Variants in HGSNAT observed in about 807,000 individuals in gnomAD.
The protein encoded by HGSNAT is heparan-alpha-glucosaminide N-acetyltransferase.
A neutral mutation model predicts 85.2 loss-of-function variants in HGSNAT; 59 were observed. The observed-to-expected ratio is 0.69, with a 90% CI of 0.56 to 0.86. The LOEUF is 0.86. Among genes scored for constraint, HGSNAT ranks in the 40% least tolerant of loss-of-function variants. The pLI is 0.00. For missense variants in HGSNAT, 756 were observed against 777.1 expected, an observed-to-expected ratio of 0.97 and a Z score of 0.32; for synonymous variants, 321 against 304.5, an observed-to-expected ratio of 1.05 and a Z score of -0.56.
intron 10 of HGSNAT, 187 bp from the exon 11 acceptor site, chr8:43,181,958 G>T: frequency 1.6e-6 from 1 of 606,474 alleles, no homozygotes; most frequent in East Asian, 2.7e-5. Context: ...AGAGGGATTG[G>T]CCTGTTTTTG....
chr8:43,199,303 T>C (rs959674318), intron 17 of HGSNAT, 85 bp from the exon 18 acceptor site: 41 of 992,402 alleles, frequency 4.1e-5, no homozygotes, highest in Non-Finnish European at 5.9e-5. Flanking sequence ...TGTTTTTTCA[T>C]TGAACTGGTT....
Position 43,193,759 on chromosome 8 carries a change from A to T in HGSNAT, c.1380A>T (p.Val460=), listed in dbSNP as rs751897985. 6.2e-7 allele frequency: 1 copy of T among 1,610,880 alleles called. No individual in the cohort carries two copies. The change falls in exon 14 of 18, where the codon GTA becomes GTT. Residue 460 remains valine, a splice_region_variant and synonymous_variant. Transcript: ENST00000379644. ...DHLYQHPSSA[V]LYHTEVAYDP... is the part of the protein sequence containing the mutation. ...GCCTTCTGCTTCTGTTTGTTAAGGT[A>T]CTTTACCACACCGAGGTGGCCTATG...
chr8:43,141,338 T>TGCCCCGG (rs1465934774), intron 1 of HGSNAT, among the ~76,000 whole-genome samples: 6 of 152,104 alleles, frequency 3.9e-5, no homozygotes, highest in Admixed American at 3.9e-4. Flanking sequence ...TGGGCGCTTT[T>TGCCCCGG]GCCCCGGGCC....
rs483352908 is a variant in HGSNAT, at chr8:43,147,064, G to A, written c.234+1G>A. The A allele has an allele frequency of 2.5e-5, 39 of 1,546,484 alleles. No individual in the cohort carries two copies. Among genetic ancestry groups the A allele is most frequent in the Admixed American group, 1.6e-4 (9 of 56,026 alleles). On this transcript the variant is annotated splice_donor_variant, in intron 2 of 17. Transcript: ENST00000379644. LOFTEE classifies it high-confidence loss of function. ...CTGGAAATCTGAATGCTGTTATCAC[G>A]TATGTATCAGTTCACACTCAGTTCT...
intron 14 of HGSNAT, chr8:43,194,503 T>C: frequency 1.0e-6 from 1 of 985,232 alleles, no homozygotes; most frequent in Non-Finnish European, 1.2e-6. Context: ...TGTACACTCA[T>C]ATTAGTCTGT....
intron 2 of HGSNAT, among the ~76,000 whole-genome samples, chr8:43,154,893 G>A (rs1803043661): frequency 6.6e-6 from 1 of 152,170 alleles, no homozygotes. Flanking sequence ...TCTAACTGGT[G>A]TAAGATGGTA....
intron 9 of HGSNAT, 90 bp downstream of exon 9, chr8:43,173,833 G>T (rs1229127416): frequency 2.2e-6 from 3 of 1,381,998 alleles, no homozygotes; most frequent in Non-Finnish European, 3.0e-6. Context: ...TCTGAGACGG[G>T]CATGTGTTAT....
At chr8:43,195,522 G>C (rs953178838) in intron 14 of HGSNAT, among the ~76,000 whole-genome samples, 1 of 138,474 alleles carries the variant, frequency 7.2e-6, no homozygotes, top group Admixed American at 7.0e-5. Flanking sequence ...GGAGGAAGAA[G>C]AGGAGGAAGA....
At chr8:43,169,341 T>C in intron 6 of HGSNAT, 99 bp downstream of exon 6, 3 of 765,730 alleles carry the variant, frequency 3.9e-6, no homozygotes, top group Non-Finnish European at 6.2e-6. Context: ...TATGTTTATA[T>C]TGAGGAAGGC....
intron 13 of HGSNAT, among the ~76,000 whole-genome samples, chr8:43,193,138 A>G (rs1044612651): frequency 6.6e-6 from 1 of 152,178 alleles, no homozygotes. Context: ...CTCTTTAGTC[A>G]AGGGCAGATC....
chr8:43,183,745 C>T (rs1024288142), intron 11 of HGSNAT, among the ~76,000 whole-genome samples: 1 of 152,162 alleles, frequency 6.6e-6, no homozygotes, highest in African/African-American at 2.4e-5. Context: ...GTTAACTCGT[C>T]ATTTACATTA....
intron 11 of HGSNAT, among the ~76,000 whole-genome samples, chr8:43,185,988 C>T (rs1362849360): frequency 3.3e-5 from 5 of 152,136 alleles, no homozygotes; most frequent in African/African-American, 7.2e-5. Context: ...GGAATGAAGC[C>T]GACTTGATCA....
In HGSNAT at chr8:43,178,174, A is replaced by G; in HGVS notation, c.952A>G (p.Ser318Gly). Residue 318 changes from serine (S) to glycine (G), a missense_variant, in exon 10 of 18, where the codon AGT (serine) becomes GGT (glycine). Ser to Gly is a moderately conservative substitution (Grantham distance 56, BLOSUM62 0). Transcript: ENST00000379644. ...FRLLGKIAWR[S>G]FLLICIGIII... ...ATTGCTGGGGAAGATTGCATGGAGG[A>G]GTTTCCTGTTAATCTGCATAGGAAT... is the stretch of plus-strand genomic sequence containing the variant. 6.3e-7 allele frequency: 1 copy of G among 1,598,848 alleles called. No homozygotes were observed. Among genetic ancestry groups the G allele is most frequent in the Non-Finnish European group, 8.5e-7 (1 of 1,174,456 alleles).
intron 17 of HGSNAT, among the ~76,000 whole-genome samples, chr8:43,198,726 A>G (rs1006861794): frequency 1.3e-5 from 2 of 152,226 alleles, no homozygotes; most frequent in African/African-American, 4.8e-5. Flanking sequence ...CCGAGGACTT[A>G]GAAACACATC....
intron 11 of HGSNAT, among the ~76,000 whole-genome samples, chr8:43,184,256 T>G (rs1421895506): frequency 2.0e-5 from 3 of 152,186 alleles, no homozygotes; most frequent in African/African-American, 7.2e-5. Flanking sequence ...CCACCAACAG[T>G]GTAAAAGTGT....
chr8:43,190,816 T>C (rs73675464), intron 11 of HGSNAT, among the ~76,000 whole-genome samples: 3,543 of 152,296 alleles, frequency 0.023, 131 homozygotes, highest in African/African-American at 0.079. Flanking sequence ...TGATATTTGC[T>C]CTATTCAGAG....
At chr8:43,140,672 G>A (rs1486624422) in intron 1 of HGSNAT, 58 bp downstream of exon 1, 2 of 882,774 alleles carry the variant, frequency 2.3e-6, no homozygotes, top group Non-Finnish European at 2.9e-6. Context: ...TCTCCTCTCC[G>A]CGGCGCCGCC....
chr8:43,147,768 T>G (rs1043011013), intron 2 of HGSNAT, among the ~76,000 whole-genome samples: 3 of 152,098 alleles, frequency 2.0e-5, no homozygotes, highest in Non-Finnish European at 4.4e-5. Context: ...ACCCAAGCAG[T>G]ACTGAAAAAC....
In HGSNAT at chr8:43,198,505, T is replaced by G. The variant is rs541904829; in HGVS notation, c.1726+553T>G. Among the ~76,000 whole-genome samples the G allele has an allele frequency of 5.3e-5, 8 of 152,234 alleles. No individual in the cohort carries two copies. In the East Asian group the frequency reaches 1.5e-3, roughly 29 times the overall value. ...GATTTCACAGTGTTAGCTAGGATGGTCTTGATCTCCCGACCTCGTGATCCG... is the reference window on the plus strand; with the variant it reads ...GATTTCACAGTGTTAGCTAGGATGGGCTTGATCTCCCGACCTCGTGATCCG... On this transcript the variant is annotated intron_variant, in intron 17 of 17. Transcript: ENST00000379644.
Sources: gnomAD v4.1 joint callset for allele counts (sites outside exome capture counted in the v4.1 genomes callset) on GRCh38, gnomAD v4.1.1 for gene constraint, MANE v1.5 for transcripts, NCBI Gene and HGNC (gene_info 2026-07-23, HGNC 2026-07-21) for gene names.